Variants in CNTLN observed in about 807,000 individuals in gnomAD.
CNTLN encodes the protein centlein, also known as centlein, centrosomal protein.
A neutral mutation model predicts 180.0 loss-of-function variants in CNTLN; 212 were observed. The observed-to-expected ratio is 1.18, with a 90% CI of 1.05 to 1.32. CNTLN has a LOEUF of 1.32. CNTLN is among the 40% of genes most tolerant of loss of function. The pLI is 0.00. For missense variants in CNTLN, 2,095 were observed against 1,610.9 expected (o/e 1.30, Z -5.14); for synonymous variants, 722 against 563.1 (o/e 1.28, Z -3.99).
At chr9:17,521,268 A>AGAGAGAGG in the CNTLN span, among the ~76,000 whole-genome samples, 1 of 144,262 alleles carries the variant, frequency 6.9e-6, no homozygotes, top group Middle Eastern at 3.5e-3. Flanking sequence ...GGAGAAAAAG[A>AGAGAGAGG]GAGAGAGAGA....
intron 6 of CNTLN, among the ~76,000 whole-genome samples, chr9:17,296,066 G>C (rs1488405665): frequency 6.6e-6 from 1 of 151,212 alleles, no homozygotes; most frequent in Admixed American, 6.6e-5. Flanking sequence ...CTGTCACCCA[G>C]GTTGGAGTGG....
rs756484049 is a variant in CNTLN, at chr9:17,135,271, C to T, written c.206C>T (p.Pro69Leu). The T allele has an allele frequency of 5.0e-6, 8 of 1,602,304 alleles. No individual in the cohort carries two copies. Among genetic ancestry groups the T allele is most frequent in the African/African-American group, 1.3e-5 (1 of 74,854 alleles). ...GEEGSGGRRGPGGAAPAHAPL... is the reference protein window; with the variant it reads ...GEEGSGGRRGLGGAAPAHAPL... ...GAAGGGTCAGGGGGCCGGCGAGGGC[C>T]TGGGGGGGCAGCTCCGGCTCATGCT... Residue 69 changes from proline (P) to leucine (L), a missense_variant, in exon 1 of 26, where the codon CCT becomes CTT. By Grantham distance (98) the Pro-to-Leu change is moderately conservative. Transcript: ENST00000380647.
At chr9:17,246,050 T>C (rs1825780306) in intron 5 of CNTLN, among the ~76,000 whole-genome samples, 1 of 152,188 alleles carries the variant, frequency 6.6e-6, no homozygotes, top group East Asian at 1.9e-4. Context: ...ATTCATTTAA[T>C]TCATTTGGTG....
At chr9:17,454,306 C>G (rs1240826586) in intron 18 of CNTLN, among the ~76,000 whole-genome samples, 1 of 152,138 alleles carries the variant, frequency 6.6e-6, no homozygotes, top group Admixed American at 6.5e-5. Context: ...AAATAATTGA[C>G]TACACATAAA....
intron 2 of CNTLN, among the ~76,000 whole-genome samples, chr9:17,190,263 T>C (rs1753319430): frequency 6.6e-6 from 1 of 151,362 alleles, no homozygotes; most frequent in African/African-American, 2.4e-5. Context: ...TTTGTATATT[T>C]TGTACAGTTT....
At chr9:17,209,178 C>T (rs1191491925) in intron 2 of CNTLN, among the ~76,000 whole-genome samples, 10 of 152,036 alleles carry the variant, frequency 6.6e-5, no homozygotes, top group African/African-American at 1.2e-4. Context: ...ATTTCTTCAT[C>T]GTCATTCAAG....
the CNTLN span, among the ~76,000 whole-genome samples, chr9:17,526,869 G>T: frequency 6.6e-6 from 1 of 151,222 alleles, no homozygotes; most frequent in Non-Finnish European, 1.5e-5. Context: ...TTGAGGCGGA[G>T]TCTTGCTGTG....
chr9:17,248,561 A>G (rs1825942827), intron 5 of CNTLN, among the ~76,000 whole-genome samples: 1 of 147,900 alleles, frequency 6.8e-6, no homozygotes, highest in Non-Finnish European at 1.5e-5. Flanking sequence ...AATTTATTAT[A>G]TAAATATAGA....
intron 6 of CNTLN, among the ~76,000 whole-genome samples, chr9:17,274,120 G>C (rs1828132919): frequency 6.6e-6 from 1 of 151,994 alleles, no homozygotes; most frequent in Admixed American, 6.6e-5. Context: ...ATATTGCAAT[G>C]CTTTCATTCA....
In CNTLN at chr9:17,394,713, A is replaced by G. The variant is rs1342621089; in HGVS notation, c.2259A>G (p.Val753=). The change falls in exon 15 of 26, where the codon GTA becomes GTG. Residue 753 remains valine (V), a synonymous_variant. Transcript: ENST00000380647. ...LEQIIKGSKD[V]EKENTELQVK... Reference sequence around the variant, plus strand: ...AGATAATAAAGGGGAGTAAAGATGTAGAAAAAGAAAATACTGAACTTCAAG... The same window carrying G: ...AGATAATAAAGGGGAGTAAAGATGTGGAAAAAGAAAATACTGAACTTCAAG... 8 of 1,613,960 alleles carry G rather than the reference A, an allele frequency of 5.0e-6. No homozygotes were observed. The Admixed American group carries it at 8.3e-5, about 17-fold the overall frequency.
At chr9:17,181,667 C>T (rs1268723988) in intron 2 of CNTLN, among the ~76,000 whole-genome samples, 3 of 152,218 alleles carry the variant, frequency 2.0e-5, no homozygotes, top group Admixed American at 2.0e-4. Context: ...CTCTGGCTTT[C>T]ACTGATGACA....
intron 25 of CNTLN, among the ~76,000 whole-genome samples, chr9:17,500,961 G>C (rs754306231): frequency 2.0e-5 from 3 of 152,136 alleles, no homozygotes; most frequent in Non-Finnish European, 2.9e-5. Flanking sequence ...CAAAATTAAA[G>C]CGTACTGCTT....
intron 7 of CNTLN, among the ~76,000 whole-genome samples, chr9:17,303,182 T>G (rs1818486820): frequency 6.6e-6 from 1 of 152,204 alleles, no homozygotes. Context: ...AGAATGCAAT[T>G]CTTAAACTTT....
At chr9:17,361,487 T>C (rs950447739) in intron 12 of CNTLN, among the ~76,000 whole-genome samples, 16 of 152,224 alleles carry the variant, frequency 1.1e-4, no homozygotes, top group African/African-American at 3.9e-4. Context: ...ATAGCTCCTG[T>C]TGTTCTTTGC....
At chr9:17,195,770 C>T (rs1179964164) in intron 2 of CNTLN, among the ~76,000 whole-genome samples, 1 of 151,776 alleles carries the variant, frequency 6.6e-6, no homozygotes, top group Non-Finnish European at 1.5e-5. Flanking sequence ...CCCTTATTGA[C>T]TAAAGAAACT....
intron 6 of CNTLN, among the ~76,000 whole-genome samples, chr9:17,278,590 T>G (rs571720115): frequency 1.7e-4 from 26 of 152,176 alleles, no homozygotes; most frequent in Admixed American, 3.9e-4. Flanking sequence ...CATATAATTT[T>G]CAAATGATTT....
chr9:17,207,001 G>A (rs1003860995), intron 2 of CNTLN, among the ~76,000 whole-genome samples: 2 of 152,168 alleles, frequency 1.3e-5, no homozygotes, highest in East Asian at 1.9e-4. Flanking sequence ...GCACTGATGA[G>A]TAGTGGACTC....
chr9:17,383,132 A>G (rs1022862003), intron 13 of CNTLN, among the ~76,000 whole-genome samples: 3 of 152,018 alleles, frequency 2.0e-5, no homozygotes, highest in Admixed American at 6.6e-5. Context: ...TATATAAAAC[A>G]TATGCATTGT....
At chr9:17,369,686 A>G (rs4961553) in intron 13 of CNTLN, among the ~76,000 whole-genome samples, 84,801 of 150,952 alleles carry the variant, frequency 0.56, 24,407 homozygotes, top group East Asian at 0.73. Context: ...AAGACAGGCT[A>G]TTTGAAAATA....
Sources: allele counts gnomAD v4.1 joint callset (sites outside exome capture counted in the v4.1 genomes callset), GRCh38; gene constraint gnomAD v4.1.1; transcripts MANE v1.5; gene names NCBI Gene and HGNC (gene_info 2026-07-23, HGNC 2026-07-21).